Variants in BTD observed in about 807,000 individuals in gnomAD.
The protein encoded by BTD is biocytinase.
In BTD, 13 loss-of-function variants were observed where a neutral mutation model predicts 17.7. The ratio of observed to expected loss-of-function variants is 0.74; its 90% confidence interval spans 0.48 to 1.17. The LOEUF (loss-of-function observed/expected upper bound fraction) is 1.17, where lower values mean the gene tolerates loss of function less well. BTD is among the 50% of genes most tolerant of loss of function. The pLI, the probability that BTD is intolerant of heterozygous loss-of-function variation, is 0.00. For synonymous variants in BTD, 240 were observed against 245.2 expected, an observed-to-expected ratio of 0.98 and a Z score of 0.20; for missense variants, 674 against 650.4, an observed-to-expected ratio of 1.04 and a Z score of -0.39.
At chr3:15,707,639 A>G (rs1199274532) in intron 3 of BTD, among the ~76,000 whole-genome samples, 4 of 152,196 alleles carry the variant, frequency 2.6e-5, no homozygotes, top group Non-Finnish European at 5.9e-5. Context: ...AGGTGGAAAA[A>G]AACATAAAAG....
At chr3:15,674,647 T>TGA (rs1485650644) in intron 3 of BTD, among the ~76,000 whole-genome samples, 17 of 152,218 alleles carry the variant, frequency 1.1e-4, no homozygotes, top group Admixed American at 7.8e-4. Context: ...AAGGAACTGA[T>TGA]GAGAGCACTA....
At chr3:15,699,992 C>G (rs2070316923) in intron 3 of BTD, among the ~76,000 whole-genome samples, 1 of 152,180 alleles carries the variant, frequency 6.6e-6, no homozygotes, top group South Asian at 2.1e-4. Context: ...ACCCAAATGT[C>G]CATCAATGAT....
At chr3:15,680,361 G>A (rs1000421793) in intron 3 of BTD, among the ~76,000 whole-genome samples, 2 of 151,844 alleles carry the variant, frequency 1.3e-5, no homozygotes, top group Non-Finnish European at 2.9e-5. Context: ...CCACCACCAT[G>A]CCCAGCTAGC....
chr3:15,678,428 G>T, intron 3 of BTD: 3 of 1,403,062 alleles, frequency 2.1e-6, no homozygotes, highest in Admixed American at 2.1e-5. Flanking sequence ...TCTTTAATTT[G>T]TGACATGCTG....
intron 3 of BTD, among the ~76,000 whole-genome samples, chr3:15,660,354 C>T (rs2125540451): frequency 6.6e-6 from 1 of 152,348 alleles, no homozygotes; most frequent in South Asian, 2.1e-4. Context: ...GCATCCGTTG[C>T]TACCCATGAA....
At chr3:15,690,626 G>A (rs962212661) in intron 3 of BTD, among the ~76,000 whole-genome samples, 13 of 152,236 alleles carry the variant, frequency 8.5e-5, no homozygotes, top group South Asian at 4.1e-4. Context: ...GTCCAGTGGC[G>A]TGATCATAGC....
intron 3 of BTD, among the ~76,000 whole-genome samples, chr3:15,672,587 A>G (rs915755438): frequency 4.6e-5 from 7 of 152,022 alleles, no homozygotes; most frequent in Non-Finnish European, 8.8e-5. Flanking sequence ...TAGCTGGGGG[A>G]GTGCTTCACT....
chr3:15,657,404 A>G (rs73145557), downstream of BTD, among the ~76,000 whole-genome samples: 4,456 of 152,278 alleles, frequency 0.029, 219 homozygotes, highest in African/African-American at 0.098. Flanking sequence ...TCTTTCCAAT[A>G]ACTCTGTAAG....
intron 1 of BTD, chr3:15,602,169 T>C (rs1221523279): frequency 1.4e-5 from 19 of 1,407,196 alleles, no homozygotes; most frequent in Non-Finnish European, 1.8e-5. Context: ...GTTACTTAAA[T>C]CCAGAAGCAG....
intron 3 of BTD, among the ~76,000 whole-genome samples, chr3:15,671,422 A>G (rs548590069): frequency 6.6e-6 from 1 of 152,278 alleles, no homozygotes; most frequent in East Asian, 1.9e-4. Context: ...TATAACCACC[A>G]TACAGATTAA....
rs769770841 is a variant in BTD at position 15,601,800 on chromosome 3, CATTGTCTCCGAGTCGGCCA to C, written c.-110_-92del. ...GAAGCCGAACTCTGAGGCCTCTCGC[CATTGTCTCCGAGTCGGCCA>C]GCTGGAGCGTTTTCGGGGCTGTAAA... On this transcript the variant is annotated 5_prime_UTR_variant, in exon 1 of 4. Transcript: ENST00000643237. 2.5e-6 allele frequency: 4 copies of C among 1,614,076 alleles called. No individual in the cohort carries two copies. In the South Asian group the frequency reaches 4.4e-5, roughly 18 times the overall value.
rs1420926749 is a variant in BTD, at chr3:15,649,325, C to T, written c.*3837C>T. 6.6e-6 allele frequency among the ~76,000 whole-genome samples: 1 copy of T among 152,188 alleles called. No individual in the cohort carries two copies. The highest frequency in any genetic ancestry group is 1.5e-5 in the Non-Finnish European group (1 of 68,040). On this transcript the variant is annotated 3_prime_UTR_variant, in exon 4 of 4. Transcript: ENST00000643237. ...GCCATGATGTCTTTTATTAACTAGT[C>T]TCAGAAGTCACACTGCATCATTTGG...
chr3:15,641,603 T>C (rs972307818), intron 2 of BTD, among the ~76,000 whole-genome samples: 3 of 152,222 alleles, frequency 2.0e-5, no homozygotes, highest in African/African-American at 7.2e-5. Flanking sequence ...TATTCGCTTG[T>C]CAAACTCCTG....
chr3:15,709,575 A>T, intron 3 of BTD: 2 of 826,450 alleles, frequency 2.4e-6, no homozygotes, highest in Non-Finnish European at 1.9e-6. Context: ...ACAAGATGCT[A>T]AATTGTTCAG....
intron 3 of BTD, chr3:15,696,251 T>C (rs2125892675): frequency 6.6e-7 from 1 of 1,507,006 alleles, no homozygotes; most frequent in South Asian, 1.2e-5. Context: ...GGCACCTATA[T>C]ACAACAACAA....
intron 3 of BTD, chr3:15,684,159 C>T (rs1314533649): frequency 1.3e-5 from 2 of 152,198 alleles, no homozygotes; most frequent in African/African-American, 4.8e-5. Context: ...ATATAATGTA[C>T]TTGAGTTTTC....
Position 15,667,604 on chromosome 3 carries a change from A to G in BTD, c.399+25547A>G, listed in dbSNP as rs561862573. ...GGTGCTGTGTTCATTCATTCAAGTA[A>G]TTAATGTACTTATTCCAACAATACT... On this transcript the variant is annotated intron_variant, in intron 3 of 3. Transcript: ENST00000672141. 5 of 152,350 alleles carry G rather than the reference A, an allele frequency of 3.3e-5. No individual in the cohort carries two copies. In the South Asian group the frequency reaches 1.0e-3, roughly 32 times the overall value. 9.4% of individuals were successfully genotyped at this position (152,350 alleles called of 1,614,324 possible).
rs374141881 is a variant in BTD, at chr3:15,645,093, G to C, written c.1177G>C (p.Gly393Arg). 6.2e-7 allele frequency: 1 copy of C among 1,614,076 alleles called. No homozygotes were observed. Among genetic ancestry groups the C allele is most frequent in the African/African-American group, 1.3e-5 (1 of 74,924 alleles). ...CCTGGTCCCTGTCTGGGGAAAGGAA[G>C]GCTATCTCCACGTCTGTTCCAATGG... ...FTLVPVWGKE[G>R]YLHVCSNGLC... The change falls in exon 4 of 4, where the codon GGC becomes CGC. Residue 393 changes from glycine to arginine, a missense_variant. Coordinates refer to ENST00000643237, the MANE Select transcript of BTD (RefSeq NM_001370658.1).
chr3:15,672,423 T>A (rs1159436342), intron 3 of BTD, among the ~76,000 whole-genome samples: 2 of 152,168 alleles, frequency 1.3e-5, no homozygotes, highest in Non-Finnish European at 2.9e-5. Context: ...ATTATAGGAG[T>A]AAGCCACTGT....
Sources: gnomAD v4.1 joint callset for allele counts (sites outside exome capture counted in the v4.1 genomes callset) on GRCh38, gnomAD v4.1.1 for gene constraint, MANE v1.5 for transcripts, NCBI Gene and HGNC (gene_info 2026-07-23, HGNC 2026-07-21) for gene names.